PPP4R2: variants seen among roughly 807,000 people sequenced by gnomAD.
PPP4R2 encodes serine/threonine-protein phosphatase 4 regulatory subunit 2.
PPP4R2 carries 13 observed loss-of-function variants against 47.2 expected under a neutral mutation model. That is an observed-to-expected ratio of 0.28 (90% CI 0.18 to 0.44). The LOEUF is 0.44. PPP4R2 is among the 20% of genes least tolerant of loss of function. The pLI is 1.00. For missense variants in PPP4R2, 421 were observed against 491.2 expected (o/e 0.86, Z 1.35); for synonymous variants, 151 against 163.3 (o/e 0.92, Z 0.57).
intron 2 of PPP4R2, among the ~76,000 whole-genome samples, chr3:73,034,846 T>TAAA (rs57719588): frequency 8.1e-4 from 120 of 147,272 alleles, no homozygotes; most frequent in African/African-American, 2.8e-3. Flanking sequence ...GTTTTGTTCT[T>TAAA]AAAAAAAAAA....
rs201259586 is a variant in PPP4R2, at chr3:73,049,944, GTTTTA to G, written c.287+2597_287+2601del. Among the ~76,000 whole-genome samples the G allele has an allele frequency of 1.5e-3, 234 of 151,876 alleles. 1 individual carries two copies. Among genetic ancestry groups the G allele is most frequent in the African/African-American group, 4.8e-3 (201 of 41,452 alleles). ...GTATTTTGAAATTTTGTTTTGTTTT[GTTTTA>G]TTTTATTTATTTAGAGATGGAGTCT... On this transcript the variant is annotated intron_variant, in intron 3 of 8. Transcript: ENST00000356692.
intron 2 of PPP4R2, among the ~76,000 whole-genome samples, chr3:73,012,588 A>G (rs575464991): frequency 3.0e-4 from 46 of 152,362 alleles, no homozygotes; most frequent in South Asian, 2.9e-3. Flanking sequence ...GGCGTGAGCC[A>G]CTGCGCCCAG....
intron 2 of PPP4R2, among the ~76,000 whole-genome samples, chr3:73,007,378 C>T (rs1041378045): frequency 2.0e-5 from 3 of 152,044 alleles, no homozygotes; most frequent in Non-Finnish European, 4.4e-5. Context: ...AACTAAGACC[C>T]GCATTATTAC....
At chr3:73,010,527 A>C (rs186573267) in intron 2 of PPP4R2, among the ~76,000 whole-genome samples, 1 of 150,046 alleles carries the variant, frequency 6.7e-6, no homozygotes, top group Non-Finnish European at 1.5e-5. Context: ...TTAAAACTCT[A>C]CTTCTTTCAG....
At chr3:73,017,558 T>A (rs1313764089) in intron 2 of PPP4R2, among the ~76,000 whole-genome samples, 6 of 151,986 alleles carry the variant, frequency 3.9e-5, no homozygotes, top group African/African-American at 4.8e-5. Flanking sequence ...CTAGAAAGAG[T>A]GAGAGAGAAA....
intron 2 of PPP4R2, among the ~76,000 whole-genome samples, chr3:73,017,876 C>A (rs1361592763): frequency 6.6e-6 from 1 of 151,884 alleles, no homozygotes; most frequent in Non-Finnish European, 1.5e-5. Context: ...TACAGGCGAC[C>A]ACCACCACAC....
intron 2 of PPP4R2, among the ~76,000 whole-genome samples, chr3:73,013,743 A>G (rs1010365341): frequency 2.0e-5 from 3 of 151,540 alleles, no homozygotes; most frequent in African/African-American, 7.3e-5. Context: ...GTTTCAAGCA[A>G]TTTTTCTGCC....
intron 2 of PPP4R2, among the ~76,000 whole-genome samples, chr3:73,017,849 T>C (rs1029409711): frequency 1.3e-5 from 2 of 152,076 alleles, no homozygotes; most frequent in African/African-American, 4.8e-5. Flanking sequence ...TGCTTCAGCC[T>C]TCCGTGTAGC....
chr3:73,053,908 C>CA (rs10631666), intron 3 of PPP4R2, among the ~76,000 whole-genome samples: 2,735 of 103,580 alleles, frequency 0.026, 156 homozygotes, highest in African/African-American at 0.077. Flanking sequence ...GACACCATCT[C>CA]AAAAAAAAAA....
At chr3:73,014,608 CT>C (rs1216256406) in intron 2 of PPP4R2, among the ~76,000 whole-genome samples, 1 of 152,102 alleles carries the variant, frequency 6.6e-6, no homozygotes, top group African/African-American at 2.4e-5. Flanking sequence ...CATTATTAGG[CT>C]TTTAAATCTG....
In PPP4R2 at chr3:73,066,516, G is replaced by T. The variant is rs1326303488; in HGVS notation, c.*794G>T. ...ATACTTCTGAGGTGCCTGAGAAAAA[G>T]ACTTCATTATTTATGAGAAAATATG... On this transcript the variant is annotated 3_prime_UTR_variant, in exon 9 of 9. Transcript: ENST00000356692. 6.6e-6 allele frequency: 1 copy of T among 151,976 alleles called. No individual in the cohort carries two copies. The highest frequency in any genetic ancestry group is 1.5e-5 in the Non-Finnish European group (1 of 67,916). The allele number at this position is 151,976 out of a possible 1,614,324, so 9.4% of individuals were successfully genotyped here.
chr3:73,049,365 C>T (rs890103951), intron 3 of PPP4R2, among the ~76,000 whole-genome samples: 5 of 151,880 alleles, frequency 3.3e-5, no homozygotes, highest in African/African-American at 4.8e-5. Context: ...TGGGCGTTGT[C>T]GCGGACGCCC....
Position 72,997,015 on chromosome 3 carries a change from G to T in PPP4R2, c.-23G>T. 2 of 1,383,678 alleles carry T rather than the reference G, an allele frequency of 1.4e-6. No homozygotes were observed. The highest frequency in any genetic ancestry group is 1.5e-5 in the African/African-American group (1 of 67,364). 85.7% of individuals were successfully genotyped at this position (1,383,678 alleles called of 1,614,324 possible). On this transcript the variant is annotated 5_prime_UTR_variant, in exon 1 of 9. Transcript: ENST00000356692. ...AAGAGACCCGCGGAGGGAGGCGGAG[G>T]CTGTGAGGGACTCCGGGAAGCCATG... is the stretch of plus-strand genomic sequence containing the variant.
chr3:73,016,142 T>A (rs1414543800), intron 2 of PPP4R2: 1 of 152,282 alleles, frequency 6.6e-6, no homozygotes, highest in Non-Finnish European at 1.5e-5. Context: ...TGACCAATGC[T>A]GTTTAATTAA....
intron 2 of PPP4R2, among the ~76,000 whole-genome samples, chr3:73,015,143 A>T (rs1437785464): frequency 6.6e-6 from 1 of 152,178 alleles, no homozygotes; most frequent in Non-Finnish European, 1.5e-5. Context: ...TATAAAACAG[A>T]AGGAATGAAA....
At chr3:73,024,185 C>T (rs1173857397) in intron 2 of PPP4R2, among the ~76,000 whole-genome samples, 1 of 151,910 alleles carries the variant, frequency 6.6e-6, no homozygotes, top group Non-Finnish European at 1.5e-5. Context: ...GTGTTTGGGT[C>T]TGATGCAGGA....
At chr3:73,053,591 A>T (rs556947486) in intron 3 of PPP4R2, among the ~76,000 whole-genome samples, 1 of 152,106 alleles carries the variant, frequency 6.6e-6, no homozygotes, top group Non-Finnish European at 1.5e-5. Context: ...TACTTACATC[A>T]TTGGGGTTCC....
At chr3:73,052,564 G>A (rs1359816383) in intron 3 of PPP4R2, among the ~76,000 whole-genome samples, 1 of 129,532 alleles carries the variant, frequency 7.7e-6, no homozygotes, top group Non-Finnish European at 1.7e-5. Context: ...TTCCTATAAT[G>A]GTATACACAA....
intron 3 of PPP4R2, among the ~76,000 whole-genome samples, chr3:73,052,640 T>TTTTA (rs1702641755): frequency 6.6e-6 from 1 of 152,316 alleles, no homozygotes; most frequent in Non-Finnish European, 1.5e-5. Context: ...AAAGATACCA[T>TTTTA]TTTATGTTCT....
Sources: allele counts gnomAD v4.1 joint callset (sites outside exome capture counted in the v4.1 genomes callset), GRCh38; gene constraint gnomAD v4.1.1; transcripts MANE v1.5; gene names NCBI Gene and HGNC (gene_info 2026-07-23, HGNC 2026-07-21).